The following MTMR7 variants were observed in gnomAD, a reference collection of about 807,000 sequenced individuals.
MTMR7 encodes phosphatidylinositol-3-phosphate phosphatase MTMR7.
Under a neutral mutation model 81.2 loss-of-function variants are expected in MTMR7, and 76 were observed. The ratio of observed to expected loss-of-function variants is 0.94; its 90% CI spans 0.78 to 1.13. MTMR7 has a LOEUF of 1.13. MTMR7 is among the 50% of genes most tolerant of loss of function. MTMR7 has a pLI of 0.00. For synonymous variants in MTMR7, 372 were observed against 289.8 expected (o/e 1.28, Z -2.88); for missense variants, 1,044 against 820.0 (o/e 1.27, Z -3.34).
intron 1 of MTMR7, among the ~76,000 whole-genome samples, chr8:17,393,794 C>G (rs1821171304): frequency 1.3e-5 from 2 of 152,140 alleles, no homozygotes; most frequent in South Asian, 4.1e-4. Flanking sequence ...ACAAACCACT[C>G]TGACACGTTT....
At position 17,406,791 on chromosome 8, in the gene MTMR7, G is replaced by T. The variant is rs75110447; in HGVS notation, c.24+6478C>A. ...GGATTAGCCACAGAACAGATAAAAC[G>T]AAATGAAGTACTGATACATGCTACA... On this transcript the variant is annotated intron_variant, in intron 1 of 13. Coordinates refer to ENST00000180173, the MANE Select transcript of MTMR7 (RefSeq NM_004686.5). Among the ~76,000 whole-genome samples, 3 of 152,178 alleles carry T rather than the reference G, an allele frequency of 2.0e-5. No homozygotes were observed. The East Asian group carries it at 5.8e-4, about 29-fold the overall frequency.
intron 7 of MTMR7, among the ~76,000 whole-genome samples, chr8:17,329,164 C>G (rs115559275): frequency 0.012 from 1,889 of 152,262 alleles, 41 homozygotes; most frequent in East Asian, 0.075. Flanking sequence ...TACCAAGTGA[C>G]CAGTAGTATG....
intron 1 of MTMR7, among the ~76,000 whole-genome samples, chr8:17,384,285 C>G (rs1312888352): frequency 6.6e-6 from 1 of 152,072 alleles, no homozygotes; most frequent in Admixed American, 6.6e-5. Flanking sequence ...GTGGCAGGCA[C>G]CTGTAGGCCC....
intron 1 of MTMR7, among the ~76,000 whole-genome samples, chr8:17,384,287 T>C (rs1226559958): frequency 3.3e-5 from 5 of 152,244 alleles, no homozygotes; most frequent in East Asian, 1.9e-4. Flanking sequence ...GGCAGGCACC[T>C]GTAGGCCCAG....
chr8:17,356,571 G>A (rs754621822), intron 4 of MTMR7, among the ~76,000 whole-genome samples: 2 of 152,022 alleles, frequency 1.3e-5, no homozygotes, highest in African/African-American at 2.4e-5. Flanking sequence ...AACATTATCT[G>A]GTTGTGGTGG....
chr8:17,407,005 G>C (rs1278943885), intron 1 of MTMR7, among the ~76,000 whole-genome samples: 1 of 152,042 alleles, frequency 6.6e-6, no homozygotes, highest in African/African-American at 2.4e-5. Flanking sequence ...TTTCTCTTTG[G>C]AGTAATGAAA....
In MTMR7 at chr8:17,361,264, C is replaced by T; in HGVS notation, c.321G>A (p.Glu107=). ...GGTTGAATGAAAAGCAGTATAACTC[C>T]TCATATTTCACTGCAAGAAAAGGTA... The part of the protein sequence containing the change: ...LIRLARPVKY[E]ELYCFSFNPM... Residue 107 remains glutamate, a synonymous_variant, in exon 4 of 14, where the codon GAG becomes GAA. Coordinates refer to ENST00000180173, the MANE Select transcript of MTMR7 (RefSeq NM_004686.5). 4.3e-6 allele frequency: 7 copies of T among 1,614,124 alleles called. No homozygotes were observed. Among genetic ancestry groups the T allele is most frequent in the Non-Finnish European group, 5.9e-6 (7 of 1,179,988 alleles).
intron 5 of MTMR7, among the ~76,000 whole-genome samples, chr8:17,347,879 C>T (rs1253720666): frequency 6.6e-6 from 1 of 152,168 alleles, no homozygotes; most frequent in Non-Finnish European, 1.5e-5. Flanking sequence ...AAGCTGGGCA[C>T]ACAACATTAG....
At chr8:17,397,874 G>A (rs916032325) in intron 1 of MTMR7, among the ~76,000 whole-genome samples, 5 of 152,180 alleles carry the variant, frequency 3.3e-5, no homozygotes, top group African/African-American at 1.2e-4. Context: ...GTTCAGCAAA[G>A]AGAGAATACA....
At chr8:17,308,635 CAA>C (rs1817621115) in intron 10 of MTMR7, among the ~76,000 whole-genome samples, 2 of 152,142 alleles carry the variant, frequency 1.3e-5, no homozygotes, top group Non-Finnish European at 2.9e-5. Context: ...ATTTAAGATT[CAA>C]AGAGTAGAGA....
Position 17,314,581 on chromosome 8 carries a change from G to A in MTMR7, c.866-1180C>T, listed in dbSNP as rs972560709. Reference sequence around the variant, plus strand: ...CCTGCCTCCAAGAATGCAGATAAGAGGATTCACTGTGATTTCCTGCAGCAT... The same window carrying A: ...CCTGCCTCCAAGAATGCAGATAAGAAGATTCACTGTGATTTCCTGCAGCAT... On this transcript the variant is annotated intron_variant, in intron 7 of 13. Coordinates refer to ENST00000180173, the MANE Select transcript of MTMR7 (RefSeq NM_004686.5). 3.9e-5 allele frequency among the ~76,000 whole-genome samples: 6 copies of A among 152,064 alleles called. No homozygotes were observed. The South Asian group carries it at 1.0e-3, about 26-fold the overall frequency.
chr8:17,380,693 A>T (rs1242853107), intron 1 of MTMR7, among the ~76,000 whole-genome samples: 1 of 152,202 alleles, frequency 6.6e-6, no homozygotes, highest in Non-Finnish European at 1.5e-5. Context: ...CTAACTTCAA[A>T]GCCACGTTCA....
In MTMR7 at chr8:17,298,289, G is replaced by A. The variant is rs1171355490; in HGVS notation, c.*1573C>T. 6.6e-6 allele frequency: 1 copy of A among 151,876 alleles called. No individual in the cohort carries two copies. Among genetic ancestry groups the A allele is most frequent in the Non-Finnish European group, 1.5e-5 (1 of 67,898 alleles). The allele number at this position is 151,876 out of a possible 1,614,324, so 9.4% of individuals were successfully genotyped here. A position where few individuals can be genotyped will look rare whatever the true frequency, so the allele number is the denominator to read the frequency against. ...ATAAACATTCCTTGTACTTAATTTG[G>A]GAACTGCTCAGCAGAGAATGCCCAA... is the stretch of plus-strand genomic sequence containing the variant. On this transcript the variant is annotated 3_prime_UTR_variant, in exon 14 of 14. Coordinates refer to ENST00000180173, the MANE Select transcript of MTMR7 (RefSeq NM_004686.5).
At chr8:17,368,871 C>T (rs1405398858) in intron 3 of MTMR7, among the ~76,000 whole-genome samples, 1 of 152,206 alleles carries the variant, frequency 6.6e-6, no homozygotes, top group African/African-American at 2.4e-5. Flanking sequence ...GGTAGCCAGT[C>T]AGATCTCTGT....
chr8:17,350,053 T>C (rs979598032), intron 4 of MTMR7, among the ~76,000 whole-genome samples: 1 of 152,214 alleles, frequency 6.6e-6, no homozygotes, highest in Non-Finnish European at 1.5e-5. Context: ...ATGTTAGTGG[T>C]AGCAACAGTG....
At chr8:17,317,407 C>G (rs1029732891) in intron 7 of MTMR7, among the ~76,000 whole-genome samples, 1 of 152,180 alleles carries the variant, frequency 6.6e-6, no homozygotes. Flanking sequence ...TGCCAGTGTC[C>G]TAAGAGGACA....
intron 6 of MTMR7, among the ~76,000 whole-genome samples, chr8:17,332,141 C>T (rs181627243): frequency 2.6e-5 from 4 of 152,300 alleles, no homozygotes; most frequent in East Asian, 1.9e-4. Context: ...AAACAGCATT[C>T]GCTGACCATT....
At chr8:17,330,166 G>A (rs536542959) in intron 7 of MTMR7, among the ~76,000 whole-genome samples, 1 of 152,318 alleles carries the variant, frequency 6.6e-6, no homozygotes, top group African/African-American at 2.4e-5. Context: ...CAACCCCAAC[G>A]TTAGGGTGTT....
Position 17,348,952 on chromosome 8 carries a change from C to A in MTMR7, c.597+1G>T, listed in dbSNP as rs759135673. On this transcript the variant is annotated splice_donor_variant, in intron 5 of 13. Coordinates refer to ENST00000180173, the MANE Select transcript of MTMR7 (RefSeq NM_004686.5). LOFTEE classifies it high-confidence loss of function. ...AAACAAAAACACGCCTCGAGACTTA[C>A]GTGGTTATCTTTATAATAGTAAGAA... The A allele has an allele frequency of 6.2e-7, 1 of 1,613,482 alleles. No homozygotes were observed. The highest frequency in any genetic ancestry group is 1.3e-5 in the African/African-American group (1 of 74,690).
Sources: gnomAD v4.1 joint callset for allele counts (sites outside exome capture counted in the v4.1 genomes callset) on GRCh38, gnomAD v4.1.1 for gene constraint, MANE v1.5 for transcripts, NCBI Gene and HGNC (gene_info 2026-07-23, HGNC 2026-07-21) for gene names.